Variants in LGMN observed in about 807,000 individuals in gnomAD.
LGMN encodes the protein asparaginyl endopeptidase.
In LGMN, 36 loss-of-function variants were observed where a neutral mutation model predicts 56.8. That is an observed-to-expected ratio of 0.63 (90% CI 0.49 to 0.84). The LOEUF (loss-of-function observed/expected upper bound fraction) is 0.84, where lower values mean the gene tolerates loss of function less well. LGMN is among the 40% of genes least tolerant of loss of function. The pLI, the probability that LGMN is intolerant of heterozygous loss-of-function variation, is 0.00. For synonymous variants in LGMN, 199 were observed against 210.1 expected (o/e 0.95, Z 0.46); for missense variants, 446 against 556.1 (o/e 0.80, Z 1.99).
Position 92,706,666 on chromosome 14 carries a change from G to A in LGMN, c.1021-13C>T, listed in dbSNP as rs754679565. 9.0e-6 allele frequency: 14 copies of A among 1,555,612 alleles called. No homozygotes were observed. In the South Asian group the frequency reaches 1.3e-4, roughly 14 times the overall value. On this transcript the variant is annotated splice_polypyrimidine_tract_variant and intron_variant, in intron 11 of 13. Transcript: ENST00000334869. ...TGAGGTGCCTGGCCTGGGGAGAAAC[G>A]CGGCCTGTCAGAATGTGCCTCCCTG...
At chr14:92,723,424 A>G (rs956900702) in intron 2 of LGMN, among the ~76,000 whole-genome samples, 4 of 152,228 alleles carry the variant, frequency 2.6e-5, no homozygotes, top group African/African-American at 7.2e-5. Context: ...AAATGTTCTC[A>G]GCAGCATTGT....
intron 11 of LGMN, among the ~76,000 whole-genome samples, chr14:92,708,878 A>G (rs1349763050): frequency 6.9e-6 from 1 of 145,008 alleles, no homozygotes; most frequent in South Asian, 2.2e-4. Context: ...AAAAAAAAAA[A>G]AAATCTTGCC....
chr14:92,712,642 A>G, intron 8 of LGMN, 163 bp downstream of exon 8: 1 of 636,196 alleles, frequency 1.6e-6, no homozygotes, highest in Non-Finnish European at 2.8e-6. Flanking sequence ...CCAGTGCTTC[A>G]GAAGCAGAGG....
intron 8 of LGMN, 141 bp from the exon 9 acceptor site, chr14:92,712,096 T>A (rs1363063504): frequency 6.0e-6 from 4 of 667,286 alleles, no homozygotes; most frequent in African/African-American, 1.8e-5. Flanking sequence ...GACACGTAAC[T>A]ATACCCAGAC....
At chr14:92,716,745 GA>G (rs1281411601) in intron 4 of LGMN, among the ~76,000 whole-genome samples, 1 of 152,080 alleles carries the variant, frequency 6.6e-6, no homozygotes, top group Non-Finnish European at 1.5e-5. Flanking sequence ...AAAATAAAAT[GA>G]AACAAAGAAT....
At position 92,704,292 on chromosome 14, in the gene LGMN, T is replaced by C. The variant is rs1464632176; in HGVS notation, c.*27A>G. 1.2e-6 allele frequency: 2 copies of C among 1,614,010 alleles called. No homozygotes were observed. Among genetic ancestry groups the C allele is most frequent in the African/African-American group, 1.3e-5 (1 of 74,988 alleles). On this transcript the variant is annotated 3_prime_UTR_variant, in exon 14 of 14. Coordinates refer to ENST00000334869, the MANE Select transcript of LGMN (RefSeq NM_005606.7). ...CACACAGTCGGTGGGGCGCTCACAC[T>C]TGGAAAAGCTTCCAGGAGGCAGCTC...
Position 92,714,838 on chromosome 14 carries a change from C to G in LGMN, c.405-387G>C, listed in dbSNP as rs1308613825. On this transcript the variant is annotated intron_variant, in intron 5 of 13. Transcript: ENST00000334869. The surrounding 1 kb of genome is among the most constrained non-coding windows in gnomAD (Gnocchi z 5.1). Reference sequence around the variant, plus strand: ...TGACCTCAACACAGGCCTGCAGCCTCCCCCCCTCCAGGCCTCCTGTGGCCC... The same window carrying G: ...TGACCTCAACACAGGCCTGCAGCCTGCCCCCCTCCAGGCCTCCTGTGGCCC... Among the ~76,000 whole-genome samples, 2 of 149,874 alleles carry G rather than the reference C, an allele frequency of 1.3e-5. No homozygotes were observed. Among genetic ancestry groups the G allele is most frequent in the Non-Finnish European group, 2.9e-5 (2 of 67,908 alleles).
intron 12 of LGMN, chr14:92,705,016 G>C (rs555944250): frequency 3.3e-6 from 1 of 304,650 alleles, no homozygotes; most frequent in Admixed American, 3.9e-5. Context: ...GGATCTCCCC[G>C]GGAAGTCTGC....
chr14:92,746,811 T>C (rs1004169030), intron 1 of LGMN, among the ~76,000 whole-genome samples: 1 of 148,280 alleles, frequency 6.7e-6, no homozygotes, highest in Non-Finnish European at 1.5e-5. Flanking sequence ...CCGAGGGGGG[T>C]GGATCATGAG....
intron 2 of LGMN, among the ~76,000 whole-genome samples, chr14:92,720,685 A>G (rs1342196223): frequency 6.6e-6 from 1 of 152,130 alleles, no homozygotes; most frequent in African/African-American, 2.4e-5. Flanking sequence ...ATGCTCAAAC[A>G]CTAATTGTGG....
At position 92,718,749 on chromosome 14, in the gene LGMN, T is replaced by C; in HGVS notation, c.234A>G (p.Glu78=). 11 of 1,607,422 alleles carry C rather than the reference T, an allele frequency of 6.8e-6. No individual in the cohort carries two copies. Among genetic ancestry groups the C allele is most frequent in the Non-Finnish European group, 9.4e-6 (11 of 1,174,306 alleles). The stretch of plus-strand genomic sequence containing the variant: ...AGTTCCAAGTGTTCCCCACTTACTC[T>C]TCAGAGTAAGCAATGTCATCGTACA... ...VMMYDDIAYS[E]DNPTPGIVIN... Residue 78 remains glutamate, a splice_region_variant and synonymous_variant, in exon 3 of 14, where the codon GAA becomes GAG. Coordinates refer to ENST00000334869, the MANE Select transcript of LGMN (RefSeq NM_005606.7).
chr14:92,718,940 T>C, intron 2 of LGMN, 96 bp from the exon 3 acceptor site: 1 of 721,496 alleles, frequency 1.4e-6, no homozygotes. Context: ...GAAGACTTAC[T>C]GTGAATCATC....
intron 2 of LGMN, among the ~76,000 whole-genome samples, chr14:92,723,096 G>A (rs1337523600): frequency 6.6e-6 from 1 of 151,828 alleles, no homozygotes; most frequent in African/African-American, 2.4e-5. Context: ...GCCCAGACTG[G>A]AGTGCAGTGG....
At chr14:92,715,430 G>T (rs970994047) in intron 5 of LGMN, among the ~76,000 whole-genome samples, 1 of 152,178 alleles carries the variant, frequency 6.6e-6, no homozygotes, top group Non-Finnish European at 1.5e-5. Context: ...TGGCCAGGCT[G>T]GTCTTCAACT....
chr14:92,707,713 A>C (rs1423075178), intron 11 of LGMN, among the ~76,000 whole-genome samples: 1 of 152,226 alleles, frequency 6.6e-6, no homozygotes, highest in Non-Finnish European at 1.5e-5. Flanking sequence ...ATATTTTTAA[A>C]TCTTAGTTTT....
chr14:92,717,530 G>GT (rs1890131451), intron 3 of LGMN, 69 bp from the exon 4 acceptor site: 2 of 1,154,152 alleles, frequency 1.7e-6, no homozygotes, highest in Non-Finnish European at 1.3e-6. Flanking sequence ...TCAAACACAT[G>GT]TATGTTATGC....
At chr14:92,726,093 C>T (rs1251424700) in intron 2 of LGMN, among the ~76,000 whole-genome samples, 2 of 151,332 alleles carry the variant, frequency 1.3e-5, no homozygotes, top group East Asian at 2.0e-4. Flanking sequence ...AAAAATTAGC[C>T]GGGCGTGGTG....
intron 8 of LGMN, among the ~76,000 whole-genome samples, chr14:92,712,521 T>C (rs946376238): frequency 1.3e-5 from 2 of 152,008 alleles, no homozygotes; most frequent in Non-Finnish European, 2.9e-5. Flanking sequence ...ACCAACACAT[T>C]GCAAAGGATG....
chr14:92,740,252 AAAAGAAAG>A (rs749775052), intron 1 of LGMN, among the ~76,000 whole-genome samples: 1 of 152,190 alleles, frequency 6.6e-6, no homozygotes, highest in African/African-American at 2.4e-5. Context: ...CCGTCTCAAA[AAAAGAAAG>A]AAAGAAAGAA....
Sources: allele counts gnomAD v4.1 joint callset (sites outside exome capture counted in the v4.1 genomes callset), GRCh38; gene constraint gnomAD v4.1.1; non-coding constraint Gnocchi (gnomAD v3.1); transcripts MANE v1.5; gene names NCBI Gene and HGNC (gene_info 2026-07-23, HGNC 2026-07-21).